The following DHX33 variants were observed in gnomAD, a reference collection of about 807,000 sequenced individuals.
The protein encoded by DHX33 is ATP-dependent RNA helicase DHX33.
A neutral mutation model predicts 72.5 loss-of-function variants in DHX33; 42 were observed. The observed-to-expected ratio is 0.58, with a 90% CI of 0.45 to 0.75. The LOEUF (loss-of-function observed/expected upper bound fraction) is 0.75, where lower values mean the gene tolerates loss of function less well. Ranked by LOEUF, DHX33 falls within the 30% of genes least tolerant of loss-of-function variation. The pLI, the probability that DHX33 is intolerant of heterozygous loss-of-function variation, is 0.00. For missense variants in DHX33, 842 were observed against 917.5 expected (o/e 0.92, Z 1.06); for synonymous variants, 358 against 366.1 (o/e 0.98, Z 0.25).
chr17:5,457,636 A>G (rs545323696), intron 4 of DHX33, among the ~76,000 whole-genome samples: 20 of 151,208 alleles, frequency 1.3e-4, no homozygotes, highest in African/African-American at 4.6e-4. Context: ...GCCTAATGGC[A>G]AAATAAATAG....
intron 9 of DHX33, among the ~76,000 whole-genome samples, 166 bp from the exon 10 acceptor site, chr17:5,450,572 TA>T (rs1009429023): frequency 6.6e-6 from 1 of 152,220 alleles, no homozygotes. Flanking sequence ...TAATATTCAA[TA>T]AAACAGGTGA....
rs1412090389 is a variant in DHX33, at chr17:5,455,102, A to T, written c.1147+58T>A. On this transcript the variant is annotated intron_variant, in intron 6 of 11. Coordinates refer to ENST00000225296, the MANE Select transcript of DHX33 (RefSeq NM_020162.4). ...ACTCAGGGGAAAACTGTGGGACTAC[A>T]GTTTCAGTGGCTGCTCACTAGACAC... The T allele has an allele frequency of 6.9e-6, 10 of 1,442,766 alleles. No individual in the cohort carries two copies. The Admixed American group carries it at 1.7e-4, about 25-fold the overall frequency. 89.4% of individuals were successfully genotyped at this position (1,442,766 alleles called of 1,614,324 possible).
At chr17:5,451,672 C>T (rs1249929899) in intron 8 of DHX33, among the ~76,000 whole-genome samples, 2 of 151,970 alleles carry the variant, frequency 1.3e-5, no homozygotes, top group African/African-American at 2.4e-5. Context: ...AACTTTGAAC[C>T]ATGTAAATAT....
At chr17:5,448,205 C>CAAGA (rs764797349) in intron 11 of DHX33, among the ~76,000 whole-genome samples, 8 of 151,854 alleles carry the variant, frequency 5.3e-5, no homozygotes, top group Admixed American at 2.0e-4. Flanking sequence ...AAATAATAAA[C>CAAGA]AAGAAAGAAA....
At position 5,444,178 on chromosome 17, in the gene DHX33, G is replaced by T. The variant is rs756367311; in HGVS notation, c.*27C>A. 31 of 1,600,050 alleles carry T rather than the reference G, an allele frequency of 1.9e-5. No homozygotes were observed. Among genetic ancestry groups the T allele is most frequent in the Non-Finnish European group, 2.6e-5 (30 of 1,171,222 alleles). On this transcript the variant is annotated 3_prime_UTR_variant, in exon 12 of 12. Coordinates refer to ENST00000225296, the MANE Select transcript of DHX33 (RefSeq NM_020162.4). This position sits in a 1 kb window ranked among gnomAD's most constrained non-coding sequence, Gnocchi z 4.9. ...CTGTAGTCCAAGCTCCCAGGGACCAGTGATTCTGGCGGCATCCTGGGGCGG... is the reference window on the plus strand; with the variant it reads ...CTGTAGTCCAAGCTCCCAGGGACCATTGATTCTGGCGGCATCCTGGGGCGG...
At chr17:5,462,159 C>G (rs965523801) in intron 3 of DHX33, among the ~76,000 whole-genome samples, 160 bp downstream of exon 3, 2 of 151,732 alleles carry the variant, frequency 1.3e-5, no homozygotes, top group Non-Finnish European at 2.9e-5. Context: ...AGGCTGGTCT[C>G]GAACTCCTGA....
At chr17:5,458,958 G>C (rs1421886192) in intron 4 of DHX33, among the ~76,000 whole-genome samples, 2 of 152,246 alleles carry the variant, frequency 1.3e-5, no homozygotes, top group Non-Finnish European at 2.9e-5. Context: ...AGTGCTTTGG[G>C]AGGCTGAGTC....
At chr17:5,457,060 A>C (rs1194876927) in intron 4 of DHX33, among the ~76,000 whole-genome samples, 1 of 152,226 alleles carries the variant, frequency 6.6e-6, no homozygotes, top group African/African-American at 2.4e-5. Flanking sequence ...AGTGCTTAAC[A>C]CTTTGGGAGG....
chr17:5,468,891 C>A lies in DHX33; in HGVS notation c.-32G>T, dbSNP rs1352581301. On this transcript the variant is annotated 5_prime_UTR_variant, in exon 1 of 12. Coordinates refer to ENST00000225296, the MANE Select transcript of DHX33 (RefSeq NM_020162.4). ...AGGGCACCGCGGCGGGAGGCGCAAG[C>A]GCCGAGAGCTCCTGCCCCCTCTCAG... is the stretch of plus-strand genomic sequence containing the variant. The A allele has an allele frequency of 1.9e-6, 3 of 1,548,186 alleles. No individual in the cohort carries two copies. Among genetic ancestry groups the A allele is most frequent in the South Asian group, 1.2e-5 (1 of 84,032 alleles).
chr17:5,447,428 T>C (rs1597355418), intron 11 of DHX33, among the ~76,000 whole-genome samples: 1 of 151,890 alleles, frequency 6.6e-6, no homozygotes, highest in African/African-American at 2.4e-5. Flanking sequence ...GCCAAAACCA[T>C]CCTGGCTAAC....
chr17:5,454,014 C>G (rs961882769), intron 6 of DHX33, 34 bp from the exon 7 acceptor site: 6 of 1,605,548 alleles, frequency 3.7e-6, no homozygotes, highest in Non-Finnish European at 5.1e-6. Flanking sequence ...AGTGCTTCAT[C>G]ACATGAACAA....
At chr17:5,455,109 G>C (rs754196794) in intron 6 of DHX33, 51 bp downstream of exon 6, 122 of 1,486,942 alleles carry the variant, frequency 8.2e-5, no homozygotes, top group Non-Finnish European at 1.1e-4. Context: ...TACAGTTTCA[G>C]TGGCTGCTCA....
At chr17:5,468,345 G>T (rs151088422) in intron 1 of DHX33, among the ~76,000 whole-genome samples, 100 of 152,304 alleles carry the variant, frequency 6.6e-4, no homozygotes, top group African/African-American at 2.3e-3. Flanking sequence ...TACGCGGAAG[G>T]TGAGTCTTTG....
intron 4 of DHX33, among the ~76,000 whole-genome samples, chr17:5,460,554 T>C (rs2151690292): frequency 6.6e-6 from 1 of 151,980 alleles, no homozygotes. Flanking sequence ...TCACCTAGGC[T>C]GGAGTGCAGT....
At chr17:5,467,254 A>C (rs1205298799) in intron 1 of DHX33, among the ~76,000 whole-genome samples, 1 of 152,214 alleles carries the variant, frequency 6.6e-6, no homozygotes, top group Non-Finnish European at 1.5e-5. Flanking sequence ...AAGATTTTTA[A>C]CTGACAGGAT....
chr17:5,462,347 C>G lies in DHX33; in HGVS notation c.650G>C (p.Arg217Thr). 1 of 1,613,994 alleles carries G rather than the reference C, an allele frequency of 6.2e-7. No homozygotes were observed. Among genetic ancestry groups the G allele is most frequent in the Non-Finnish European group, 8.5e-7 (1 of 1,180,012 alleles). ...FGVVKAAQKR[R>T]KELGKLPLKV... ...CAGAGGAAGTTTCCCGAGTTCCTTT[C>G]TCCTCTTCTGTGCAGCTTTCACCAC... is the stretch of plus-strand genomic sequence containing the variant. Residue 217 changes from arginine (R) to threonine (T), a missense_variant, in exon 3 of 12, where the codon AGA becomes ACA. Arg to Thr is a moderately conservative substitution (Grantham distance 71). Transcript: ENST00000225296.
intron 4 of DHX33, among the ~76,000 whole-genome samples, chr17:5,457,749 CAGAGGG>C (rs1251836272): frequency 6.6e-6 from 1 of 151,542 alleles, no homozygotes; most frequent in Middle Eastern, 3.2e-3. Context: ...AACAAATGTG[CAGAGGG>C]ATACACAGAC....
At chr17:5,460,265 C>T (rs1185915605) in intron 4 of DHX33, among the ~76,000 whole-genome samples, 16 of 151,298 alleles carry the variant, frequency 1.1e-4, no homozygotes, top group African/African-American at 9.7e-5. Context: ...CCACCCGCCT[C>T]GGCCTCCCAA....
intron 3 of DHX33, 171 bp from the exon 4 acceptor site, chr17:5,461,280 A>G (rs1040272966): frequency 9.6e-6 from 5 of 519,948 alleles, no homozygotes; most frequent in African/African-American, 2.0e-5. Flanking sequence ...GCTAGAGCAC[A>G]CAGGTCTGTT....
Sources: allele counts gnomAD v4.1 joint callset (sites outside exome capture counted in the v4.1 genomes callset), GRCh38; gene constraint gnomAD v4.1.1; non-coding constraint Gnocchi (gnomAD v3.1); transcripts MANE v1.5; gene names NCBI Gene and HGNC (gene_info 2026-07-23, HGNC 2026-07-21).